CNTN1: variants seen among roughly 807,000 people sequenced by gnomAD.
CNTN1 encodes the protein contactin-1.
CNTN1 carries 38 observed loss-of-function variants against 126.4 expected under a neutral mutation model. That is an observed-to-expected ratio of 0.30 (90% CI 0.23 to 0.39). The LOEUF (loss-of-function observed/expected upper bound fraction) is 0.39. Ranked by LOEUF, CNTN1 falls within the 10% of genes least tolerant of loss-of-function variation. CNTN1 has a pLI of 1.00. For synonymous variants in CNTN1, 413 were observed against 422.6 expected (o/e 0.98, Z 0.28); for missense variants, 1,009 against 1,248.4 (o/e 0.81, Z 2.89).
intron 6 of CNTN1, among the ~76,000 whole-genome samples, chr12:40,926,495 C>CAT (rs1565965249): frequency 6.6e-6 from 1 of 151,954 alleles, no homozygotes; most frequent in African/African-American, 2.4e-5. Context: ...CCTTATGATC[C>CAT]ATAACAATTA....
intron 1 of CNTN1, among the ~76,000 whole-genome samples, chr12:40,842,982 C>T (rs911237378): frequency 6.6e-6 from 1 of 152,026 alleles, no homozygotes; most frequent in South Asian, 2.1e-4. Flanking sequence ...TACCTGAAGG[C>T]TGTATAAGCA....
At chr12:40,765,705 A>G (rs1016804424) in intron 1 of CNTN1, among the ~76,000 whole-genome samples, 1 of 152,240 alleles carries the variant, frequency 6.6e-6, no homozygotes, top group Non-Finnish European at 1.5e-5. Context: ...CCTTGACAAG[A>G]ATAGTTGGCA....
rs189085219 is a variant in CNTN1, at chr12:40,958,150, C to T, written c.1684-964C>T. On this transcript the variant is annotated intron_variant, in intron 14 of 23. Transcript: ENST00000551295. ...AATTAACATGAACTTTGACATGCTC[C>T]TGCTACCATACAAGCTGAGTGACCT... 8.7e-4 allele frequency among the ~76,000 whole-genome samples: 133 copies of T among 152,062 alleles called. 1 individual carries two copies. Among genetic ancestry groups the T allele is most frequent in the African/African-American group, 2.8e-3 (118 of 41,506 alleles).
intron 14 of CNTN1, among the ~76,000 whole-genome samples, chr12:40,958,314 T>C (rs1166342981): frequency 6.6e-6 from 1 of 150,478 alleles, no homozygotes; most frequent in Non-Finnish European, 1.5e-5. Context: ...TGTGTGCCTG[T>C]ATGTGTGTAT....
At chr12:40,910,631 CT>C (rs1355967485) in intron 3 of CNTN1, among the ~76,000 whole-genome samples, 8 of 152,122 alleles carry the variant, frequency 5.3e-5, no homozygotes, top group Non-Finnish European at 7.4e-5. Context: ...AATACAGAGT[CT>C]AGAGTAAGAC....
chr12:41,007,205 G>T lies in CNTN1; in HGVS notation c.2114-7023G>T, dbSNP rs555565642. On this transcript the variant is annotated intron_variant, in intron 17 of 23. Coordinates refer to ENST00000551295, the MANE Select transcript of CNTN1 (RefSeq NM_001843.4). ...CTCCCAAGTAGCTGGGACTACAGGC[G>T]CCCGCCACTACGCCCGGCTAATTTT... Among the ~76,000 whole-genome samples, 89 of 150,488 alleles carry T rather than the reference G, an allele frequency of 5.9e-4. 4 individuals are homozygous for T. The South Asian group carries it at 0.018, about 31-fold the overall frequency.
At chr12:40,734,794 C>G (rs368775566) in intron 1 of CNTN1, among the ~76,000 whole-genome samples, 2,272 of 152,056 alleles carry the variant, frequency 0.015, 22 homozygotes, top group African/African-American at 0.026. Flanking sequence ...GATGAAATTG[C>G]CCATTGTATT....
At position 40,893,211 on chromosome 12, in the gene CNTN1, G is replaced by A. The variant is rs151168486; in HGVS notation, c.-76-15146G>A. Among the ~76,000 whole-genome samples the A allele has an allele frequency of 3.6e-3, 553 of 152,016 alleles. 4 individuals carry two copies. Among genetic ancestry groups the A allele is most frequent in the African/African-American group, 0.013 (521 of 41,512 alleles). ...ATCACTCTGCATAGTCATGTTAGGA[G>A]TTTAATTTTCAAGCTAAATCAAAAT... On this transcript the variant is annotated intron_variant, in intron 1 of 23. Coordinates refer to ENST00000551295, the MANE Select transcript of CNTN1 (RefSeq NM_001843.4).
chr12:40,895,945 T>A (rs1944397129), intron 1 of CNTN1: 1 of 152,024 alleles, frequency 6.6e-6, no homozygotes, highest in South Asian at 2.1e-4. Context: ...TTTGTATTTT[T>A]TTAGTAGAGA....
At chr12:40,819,512 G>A (rs1291043841) in intron 1 of CNTN1, among the ~76,000 whole-genome samples, 1 of 152,202 alleles carries the variant, frequency 6.6e-6, no homozygotes, top group African/African-American at 2.4e-5. Flanking sequence ...TTGGGACCAA[G>A]CTATCCAGTC....
At chr12:40,781,443 G>A (rs1366267759) in intron 1 of CNTN1, among the ~76,000 whole-genome samples, 1 of 151,992 alleles carries the variant, frequency 6.6e-6, no homozygotes, top group Non-Finnish European at 1.5e-5. Context: ...TTGAGTATGT[G>A]TCAGAGATTC....
At chr12:40,935,903 T>C (rs1054522382) in intron 9 of CNTN1, among the ~76,000 whole-genome samples, 1 of 152,118 alleles carries the variant, frequency 6.6e-6, no homozygotes, top group African/African-American at 2.4e-5. Context: ...ACTTGTTAAA[T>C]GTTTTTTATA....
At chr12:40,977,234 G>A (rs1947700478) in intron 15 of CNTN1, among the ~76,000 whole-genome samples, 1 of 152,172 alleles carries the variant, frequency 6.6e-6, no homozygotes, top group Non-Finnish European at 1.5e-5. Context: ...CAATAGAAAA[G>A]AATGTCTGTA....
At chr12:40,845,772 A>G (rs1942478366) in intron 1 of CNTN1, among the ~76,000 whole-genome samples, 1 of 152,144 alleles carries the variant, frequency 6.6e-6, no homozygotes, top group Admixed American at 6.5e-5. Context: ...GCACCCAGAG[A>G]GGGCACAGAA....
intron 1 of CNTN1, among the ~76,000 whole-genome samples, chr12:40,723,303 A>G (rs1398542453): frequency 6.6e-6 from 1 of 152,190 alleles, no homozygotes; most frequent in Non-Finnish European, 1.5e-5. Flanking sequence ...ATTGTTCCAT[A>G]ATCTTTTAAG....
intron 1 of CNTN1, among the ~76,000 whole-genome samples, chr12:40,842,384 A>G (rs1390878285): frequency 3.9e-5 from 6 of 152,074 alleles, no homozygotes; most frequent in Non-Finnish European, 8.8e-5. Flanking sequence ...CAAAATAGCT[A>G]GAAGAGAAGA....
At chr12:40,729,805 C>A in intron 1 of CNTN1, 1 of 203,348 alleles carries the variant, frequency 4.9e-6, no homozygotes, top group South Asian at 1.0e-4. Flanking sequence ...GGAGACAGCT[C>A]GGTTCCACTA....
At chr12:40,796,772 G>A (rs971096584) in intron 1 of CNTN1, among the ~76,000 whole-genome samples, 6 of 152,024 alleles carry the variant, frequency 3.9e-5, no homozygotes, top group South Asian at 2.1e-4. Context: ...AAATGAGTTC[G>A]GACAAAAGTC....
At chr12:40,868,265 G>C (rs1488528745) in intron 1 of CNTN1, among the ~76,000 whole-genome samples, 1 of 152,032 alleles carries the variant, frequency 6.6e-6, no homozygotes, top group Non-Finnish European at 1.5e-5. Context: ...TGAATGCTAA[G>C]TTTTCTCTAT....
Sources: allele counts gnomAD v4.1 joint callset (sites outside exome capture counted in the v4.1 genomes callset), GRCh38; gene constraint gnomAD v4.1.1; transcripts MANE v1.5; gene names NCBI Gene and HGNC (gene_info 2026-07-23, HGNC 2026-07-21).